The following MLANA variants were observed in gnomAD, a reference collection of about 807,000 sequenced individuals.
The protein encoded by MLANA is melanoma antigen recognized by T-cells 1.
A neutral mutation model predicts 15.7 loss-of-function variants in MLANA; 21 were observed. The ratio of observed to expected loss-of-function variants is 1.33; its 90% CI spans 0.95 to 1.92. MLANA has a LOEUF of 1.92. Among genes scored for constraint, MLANA ranks in the 40% most tolerant of loss-of-function variants. The pLI is 0.00. For synonymous variants in MLANA, 56 were observed against 51.5 expected (o/e 1.09, Z -0.37); for missense variants, 164 against 143.8 (o/e 1.14, Z -0.72).
In MLANA at chr9:5,908,881, G is replaced by A. The variant is rs577979836; in HGVS notation, c.*173G>A. The A allele has an allele frequency of 2.4e-5, 14 of 584,578 alleles. No individual in the cohort carries two copies. The highest frequency in any genetic ancestry group is 3.6e-5 in the Non-Finnish European group (12 of 330,124). The allele number at this position is 584,578 out of a possible 1,614,324, so 36.2% of individuals were successfully genotyped here. A position where few individuals can be genotyped will look rare whatever the true frequency, so the allele number is the denominator to read the frequency against. Reference sequence around the variant, plus strand: ...GGTCCGCTAGCAGTACTAATCATGTGAGGAAATGATGAGAAATATTAAATT... The same window carrying A: ...GGTCCGCTAGCAGTACTAATCATGTAAGGAAATGATGAGAAATATTAAATT... On this transcript the variant is annotated 3_prime_UTR_variant, in exon 5 of 5. Coordinates refer to ENST00000381477, the MANE Select transcript of MLANA (RefSeq NM_005511.2).
chr9:5,895,080 G>A (rs568498002), intron 2 of MLANA, among the ~76,000 whole-genome samples: 42 of 152,280 alleles, frequency 2.8e-4, no homozygotes, highest in South Asian at 8.3e-4. Context: ...CACTCAACCC[G>A]TATGCGTGGG....
At chr9:5,908,087 T>C (rs1303803718) in intron 4 of MLANA, among the ~76,000 whole-genome samples, 2 of 152,246 alleles carry the variant, frequency 1.3e-5, no homozygotes, top group East Asian at 3.9e-4. Context: ...GTTTGATTCT[T>C]AGCTCCACAA....
intron 2 of MLANA, 24 bp from the exon 3 acceptor site, chr9:5,897,533 G>A (rs1352895036): frequency 1.3e-6 from 2 of 1,591,772 alleles, no homozygotes; most frequent in South Asian, 2.2e-5. Flanking sequence ...ATGACAAAGT[G>A]GATTTGTCTA....
intron 3 of MLANA, chr9:5,899,382 C>T (rs1832265303): frequency 6.6e-6 from 1 of 152,170 alleles, no homozygotes; most frequent in African/African-American, 2.4e-5. Flanking sequence ...TCTCATGTCT[C>T]ATGTCTCCTG....
At chr9:5,907,176 A>G (rs1307286663) in intron 4 of MLANA, 178 bp downstream of exon 4, 7 of 372,168 alleles carry the variant, frequency 1.9e-5, no homozygotes, top group Non-Finnish European at 3.3e-5. Context: ...AGAATAAAAA[A>G]TAAATAATAA....
intron 3 of MLANA, chr9:5,898,058 AT>A (rs77598639): frequency 0.012 from 1,860 of 159,154 alleles, no homozygotes; most frequent in South Asian, 0.034. Context: ...AGCTGAACTC[AT>A]TTTTTTTTTT....
intron 4 of MLANA, among the ~76,000 whole-genome samples, chr9:5,907,729 G>T (rs983847104): frequency 1.3e-5 from 2 of 152,220 alleles, no homozygotes; most frequent in African/African-American, 4.8e-5. Context: ...GAGGTGGGTG[G>T]ATCACCTGAT....
intron 2 of MLANA, among the ~76,000 whole-genome samples, chr9:5,892,801 T>C: frequency 6.6e-6 from 1 of 152,222 alleles, no homozygotes; most frequent in East Asian, 1.9e-4. Flanking sequence ...GGTGCACTTT[T>C]GACTATTGGG....
In MLANA at chr9:5,908,734, C is replaced by A; in HGVS notation, c.*26C>A. The A allele has an allele frequency of 6.3e-7, 1 of 1,592,854 alleles. No homozygotes were observed. The highest frequency in any genetic ancestry group is 2.2e-5 in the East Asian group (1 of 44,752). ...GAGCCAGCGAGACACCTGAGACATG[C>A]TGAAATTATTTCTCTCACACTTTTG... On this transcript the variant is annotated 3_prime_UTR_variant, in exon 5 of 5. Coordinates refer to ENST00000381477, the MANE Select transcript of MLANA (RefSeq NM_005511.2).
intron 4 of MLANA, among the ~76,000 whole-genome samples, chr9:5,907,401 G>A (rs950623543): frequency 3.3e-5 from 5 of 152,168 alleles, no homozygotes; most frequent in African/African-American, 1.2e-4. Flanking sequence ...ATTGTATAGA[G>A]CTGTGCTGTC....
At chr9:5,907,764 C>G (rs1417322230) in intron 4 of MLANA, among the ~76,000 whole-genome samples, 4 of 152,164 alleles carry the variant, frequency 2.6e-5, no homozygotes, top group African/African-American at 7.2e-5. Context: ...ACCAGCCTGG[C>G]AAACATGGTG....
chr9:5,904,754 C>T (rs577505792), intron 3 of MLANA, among the ~76,000 whole-genome samples: 6 of 150,900 alleles, frequency 4.0e-5, no homozygotes, highest in South Asian at 2.1e-4. Context: ...CGTGAGCCAC[C>T]GCGCCCAGTC....
In MLANA at chr9:5,892,508, T is replaced by A; in HGVS notation, c.34T>A (p.Tyr12Asn). 1 of 1,613,902 alleles carries A rather than the reference T, an allele frequency of 6.2e-7. No individual in the cohort carries two copies. Residue 12 changes from tyrosine to asparagine, a missense_variant, in exon 2 of 5, where the codon TAC becomes AAC. Coordinates refer to ENST00000381477, the MANE Select transcript of MLANA (RefSeq NM_005511.2). ...AGAAGATGCTCACTTCATCTATGGT[T>A]ACCCCAAGAAGGGGCACGGCCACTC... is the stretch of plus-strand genomic sequence containing the variant. ...PREDAHFIYG[Y>N]PKKGHGHSYT...
At chr9:5,891,498 T>C (rs1259505298) in intron 1 of MLANA, among the ~76,000 whole-genome samples, 1 of 152,184 alleles carries the variant, frequency 6.6e-6, no homozygotes, top group African/African-American at 2.4e-5. Context: ...TCCCCACTCT[T>C]CTGTCTCACC....
chr9:5,903,417 TGTTG>T (rs1832577896), intron 3 of MLANA, among the ~76,000 whole-genome samples: 2 of 152,228 alleles, frequency 1.3e-5, no homozygotes, highest in Non-Finnish European at 2.9e-5. Context: ...TTTGCTAATA[TGTTG>T]TTGAGTTTTT....
chr9:5,893,006 G>A (rs1253478130), intron 2 of MLANA, among the ~76,000 whole-genome samples: 1 of 152,206 alleles, frequency 6.6e-6, no homozygotes, highest in East Asian at 1.9e-4. Flanking sequence ...TCGAGAGGAA[G>A]ATGGAGGTCA....
chr9:5,907,979 A>G (rs1303009617), intron 4 of MLANA, among the ~76,000 whole-genome samples: 1 of 152,200 alleles, frequency 6.6e-6, no homozygotes, highest in Non-Finnish European at 1.5e-5. Context: ...AAATAAAATT[A>G]CATAAGTGGC....
At chr9:5,895,923 G>C (rs1243163290) in intron 2 of MLANA, among the ~76,000 whole-genome samples, 3 of 152,224 alleles carry the variant, frequency 2.0e-5, no homozygotes, top group African/African-American at 4.8e-5. Flanking sequence ...ACTGTGTCAA[G>C]ATATTCAAGT....
chr9:5,906,653 G>C (rs991877844), intron 3 of MLANA, among the ~76,000 whole-genome samples: 5 of 152,232 alleles, frequency 3.3e-5, no homozygotes, highest in Non-Finnish European at 7.3e-5. Flanking sequence ...TACTGCACTA[G>C]AGCTTTACTT....
Sources: allele counts gnomAD v4.1 joint callset (sites outside exome capture counted in the v4.1 genomes callset), GRCh38; gene constraint gnomAD v4.1.1; transcripts MANE v1.5; gene names NCBI Gene and HGNC (gene_info 2026-07-23, HGNC 2026-07-21).